The following PTPRO variants were observed in gnomAD, a reference collection of about 807,000 sequenced individuals.
PTPRO encodes the protein receptor-type tyrosine-protein phosphatase O.
A neutral mutation model predicts 145.2 loss-of-function variants in PTPRO; 62 were observed. That is an observed-to-expected ratio of 0.43 (90% CI 0.35 to 0.53). The LOEUF (loss-of-function observed/expected upper bound fraction) is 0.53, where lower values mean the gene tolerates loss of function less well. Among genes scored for constraint, PTPRO ranks in the 20% least tolerant of loss-of-function variants. The pLI is 0.01. For missense variants in PTPRO, 1,345 were observed against 1,482.7 expected (o/e 0.91, Z 1.53); for synonymous variants, 565 against 514.7 (o/e 1.10, Z -1.32).
At chr12:15,388,806 G>A (rs757667279) in intron 1 of PTPRO, among the ~76,000 whole-genome samples, 2 of 152,002 alleles carry the variant, frequency 1.3e-5, no homozygotes, top group African/African-American at 4.8e-5. Flanking sequence ...AAATAATTTT[G>A]TTCTCTGAAA....
Position 15,587,057 on chromosome 12 carries a change from C to T in PTPRO, c.3410+6C>T. The stretch of plus-strand genomic sequence containing the variant: ...CCCATGATCATTCACTGCAGGTAAC[C>T]TCATCAACTGCATTTTCTATTAAAT... On this transcript the variant is annotated splice_donor_region_variant and intron_variant, in intron 24 of 26. Coordinates refer to ENST00000281171, the MANE Select transcript of PTPRO (RefSeq NM_030667.3). 2 of 1,613,916 alleles carry T rather than the reference C, an allele frequency of 1.2e-6. No individual in the cohort carries two copies. The highest frequency in any genetic ancestry group is 1.7e-6 in the Non-Finnish European group (2 of 1,179,920).
chr12:15,386,318 A>G (rs1939026690), intron 1 of PTPRO, among the ~76,000 whole-genome samples: 1 of 152,206 alleles, frequency 6.6e-6, no homozygotes, highest in South Asian at 2.1e-4. Context: ...GAGGCTACCA[A>G]AACTGATCAC....
At chr12:15,328,666 T>C (rs1866519654) in intron 1 of PTPRO, among the ~76,000 whole-genome samples, 1 of 152,132 alleles carries the variant, frequency 6.6e-6, no homozygotes, top group Non-Finnish European at 1.5e-5. Context: ...TAGGGGAAAT[T>C]AGAGAATGAA....
Position 15,484,068 on chromosome 12 carries a change from T to C in PTPRO, c.170T>C (p.Val57Ala), listed in dbSNP as rs560674709. The C allele has an allele frequency of 1.2e-6, 2 of 1,613,886 alleles. No individual in the cohort carries two copies. Among genetic ancestry groups the C allele is most frequent in the African/African-American group, 2.7e-5 (2 of 75,038 alleles). The change falls in exon 2 of 27, where the codon GTT becomes GCT. Residue 57 changes from valine to alanine, a missense_variant. Transcript: ENST00000281171. ...GTCATCAGTCCAGCATCTGTGTATGTTGTGAAGATAACTGGTGAATCCAAA... is the reference window on the plus strand; with the variant it reads ...GTCATCAGTCCAGCATCTGTGTATGCTGTGAAGATAACTGGTGAATCCAAA... ...SDVISPASVY[V>A]VKITGESKNY...
At chr12:15,472,469 C>T (rs965746692) in intron 1 of PTPRO, among the ~76,000 whole-genome samples, 6 of 152,182 alleles carry the variant, frequency 3.9e-5, no homozygotes, top group Non-Finnish European at 8.8e-5. Flanking sequence ...CTATTCTGAT[C>T]ATCCTCCGTT....
intron 16 of PTPRO, 56 bp from the exon 17 acceptor site, chr12:15,560,137 T>A (rs756195421): frequency 2.9e-5 from 37 of 1,270,974 alleles, no homozygotes; most frequent in Non-Finnish European, 4.1e-5. Context: ...ACAGTTTATA[T>A]TACTAACTCT....
intron 1 of PTPRO, among the ~76,000 whole-genome samples, chr12:15,343,777 T>C (rs1223573793): frequency 1.3e-5 from 2 of 152,310 alleles, no homozygotes; most frequent in African/African-American, 4.8e-5. Context: ...CTCCGCTTAC[T>C]GGAAGCTCCG....
At chr12:15,490,570 G>A (rs1941979898) in intron 2 of PTPRO, among the ~76,000 whole-genome samples, 1 of 152,110 alleles carries the variant, frequency 6.6e-6, no homozygotes, top group South Asian at 2.1e-4. Context: ...AACAAAAACA[G>A]GTGGCAGGGC....
At chr12:15,556,104 C>A (rs1943616615) in intron 15 of PTPRO, among the ~76,000 whole-genome samples, 1 of 152,106 alleles carries the variant, frequency 6.6e-6, no homozygotes, top group African/African-American at 2.4e-5. Flanking sequence ...TAAATATGTA[C>A]CCTTTTCCCA....
intron 26 of PTPRO, chr12:15,595,797 T>C (rs2135684954): frequency 6.5e-6 from 1 of 153,030 alleles, no homozygotes; most frequent in Middle Eastern, 3.3e-3. Context: ...GGGAAGCATA[T>C]GGACCAGTGG....
Position 15,524,816 on chromosome 12 carries a change from C to T in PTPRO, c.1894C>T (p.Pro632Ser). ...TGTGCCTCGTTTCTCCCTTGTAGCC[C>T]CAGTGGCTCCGGAAATCACTTCTGT... ...DSSTISFITAPVAPEITSVEY... is the reference protein window; with the variant it reads ...DSSTISFITASVAPEITSVEY... Residue 632 changes from proline (P) to serine (S), a missense_variant and splice_region_variant, in exon 11 of 27, where the codon CCA becomes TCA. Physicochemically the swap from Pro to Ser is moderately conservative, Grantham distance 74. Coordinates refer to ENST00000281171, the MANE Select transcript of PTPRO (RefSeq NM_030667.3). 6.2e-7 allele frequency: 1 copy of T among 1,612,620 alleles called. No homozygotes were observed. Among genetic ancestry groups the T allele is most frequent in the Non-Finnish European group, 8.5e-7 (1 of 1,178,700 alleles).
intron 12 of PTPRO, among the ~76,000 whole-genome samples, chr12:15,534,553 G>A (rs1483480749): frequency 6.6e-6 from 1 of 152,106 alleles, no homozygotes; most frequent in Admixed American, 6.5e-5. Context: ...TCTACAACAG[G>A]GAAATGTGGT....
At chr12:15,361,163 C>T (rs1206541047) in intron 1 of PTPRO, among the ~76,000 whole-genome samples, 2 of 151,516 alleles carry the variant, frequency 1.3e-5, no homozygotes, top group Non-Finnish European at 2.9e-5. Context: ...ATGGGTCGGG[C>T]GTGGTGGCTC....
chr12:15,372,148 T>A (rs1054584722), intron 1 of PTPRO, among the ~76,000 whole-genome samples: 9 of 152,174 alleles, frequency 5.9e-5, no homozygotes, highest in Admixed American at 2.0e-4. Context: ...AGAATTCTTA[T>A]ATGTGTCAAG....
At chr12:15,501,409 A>C (rs1461285970) in intron 4 of PTPRO, among the ~76,000 whole-genome samples, 1 of 152,208 alleles carries the variant, frequency 6.6e-6, no homozygotes, top group East Asian at 1.9e-4. Context: ...GACTAGTGGT[A>C]TGTTGATAGG....
intron 2 of PTPRO, among the ~76,000 whole-genome samples, chr12:15,496,354 C>T (rs1942107705): frequency 6.6e-6 from 1 of 151,946 alleles, no homozygotes; most frequent in South Asian, 2.1e-4. Context: ...GTTGGTCAGG[C>T]TGGTCTCAAA....
intron 14 of PTPRO, 133 bp from the exon 15 acceptor site, chr12:15,551,418 G>A: frequency 8.4e-7 from 1 of 1,187,852 alleles, no homozygotes; most frequent in Non-Finnish European, 1.2e-6. Context: ...GCTGGCTTGG[G>A]GAACATGATT....
At chr12:15,371,219 C>T (rs536333632) in intron 1 of PTPRO, among the ~76,000 whole-genome samples, 47 of 150,888 alleles carry the variant, frequency 3.1e-4, no homozygotes, top group Admixed American at 8.6e-4. Flanking sequence ...AAATAAAGAA[C>T]ATAACCTCAA....
At chr12:15,405,702 A>G (rs1467527844) in intron 1 of PTPRO, among the ~76,000 whole-genome samples, 1 of 152,228 alleles carries the variant, frequency 6.6e-6, no homozygotes, top group Non-Finnish European at 1.5e-5. Flanking sequence ...TAAGAGAATG[A>G]AGGACTTTAA....
Sources: gnomAD v4.1 joint callset for allele counts (sites outside exome capture counted in the v4.1 genomes callset) on GRCh38, gnomAD v4.1.1 for gene constraint, MANE v1.5 for transcripts, NCBI Gene and HGNC (gene_info 2026-07-23, HGNC 2026-07-21) for gene names.